CTNNA3: variants seen among roughly 807,000 people sequenced by gnomAD.
CTNNA3 encodes catenin alpha-3.
A neutral mutation model predicts 95.7 loss-of-function variants in CTNNA3; 76 were observed. That is an observed-to-expected ratio of 0.79 (90% CI 0.66 to 0.96). The LOEUF is 0.96. CTNNA3 is among the 40% of genes least tolerant of loss of function. CTNNA3 has a pLI of 0.00. For missense variants in CTNNA3, 1,191 were observed against 1,089.8 expected, an observed-to-expected ratio of 1.09 and a Z score of -1.31; for synonymous variants, 431 against 374.4, an observed-to-expected ratio of 1.15 and a Z score of -1.74.
At chr10:66,707,727 G>T (rs2132593720) in intron 9 of CTNNA3, among the ~76,000 whole-genome samples, 1 of 152,184 alleles carries the variant, frequency 6.6e-6, no homozygotes, top group South Asian at 2.1e-4. Flanking sequence ...CAAGGTGGTA[G>T]AAAAGCAAGC....
chr10:66,935,543 A>G (rs1047029606), intron 7 of CTNNA3, among the ~76,000 whole-genome samples: 7 of 152,042 alleles, frequency 4.6e-5, no homozygotes, highest in Non-Finnish European at 1.0e-4. Flanking sequence ...TTAAAATGGA[A>G]TATTTAAAGA....
chr10:66,914,201 G>T (rs550860525), intron 7 of CTNNA3, among the ~76,000 whole-genome samples: 148 of 147,714 alleles, frequency 1.0e-3, no homozygotes, highest in Non-Finnish European at 1.7e-3. Context: ...CACGATCTCG[G>T]CTCACTGCAA....
intron 7 of CTNNA3, among the ~76,000 whole-genome samples, chr10:66,939,399 T>A (rs547655789): frequency 6.6e-6 from 1 of 152,292 alleles, no homozygotes; most frequent in East Asian, 1.9e-4. Flanking sequence ...GCCTTCAAAC[T>A]GAGTTAAAAG....
At chr10:66,361,557 A>G (rs1235083036) in intron 12 of CTNNA3, among the ~76,000 whole-genome samples, 2 of 140,604 alleles carry the variant, frequency 1.4e-5, no homozygotes, top group African/African-American at 5.4e-5. Flanking sequence ...TCTTTTTTAG[A>G]GATAGGGTCT....
rs982270503 is a variant in CTNNA3 at position 67,609,009 on chromosome 10, G to T, written c.100-1960C>A. On this transcript the variant is annotated intron_variant, in intron 2 of 17. Coordinates refer to ENST00000433211, the MANE Select transcript of CTNNA3 (RefSeq NM_013266.4). ...GGAGGCTGAGGCAGGAGAATCGCTTGAACCCGGCAGGCAGAGGTTGCGGTG... is the reference window on the plus strand; with the variant it reads ...GGAGGCTGAGGCAGGAGAATCGCTTTAACCCGGCAGGCAGAGGTTGCGGTG... Among the ~76,000 whole-genome samples, 4 of 143,924 alleles carry T rather than the reference G, an allele frequency of 2.8e-5. No individual in the cohort carries two copies. The East Asian group carries it at 9.0e-4, about 32-fold the overall frequency. 94.4% of individuals were successfully genotyped at this position (143,924 alleles called of 152,430 possible).
intron 5 of CTNNA3, among the ~76,000 whole-genome samples, chr10:67,362,162 T>G (rs1027732578): frequency 6.6e-6 from 1 of 152,038 alleles, no homozygotes; most frequent in Non-Finnish European, 1.5e-5. Context: ...CTGAACCAGA[T>G]GGATTTACAG....
At position 66,908,513 on chromosome 10, in the gene CTNNA3, G is replaced by A. The variant is rs148096516; in HGVS notation, c.1048-132989C>T. Among the ~76,000 whole-genome samples, 552 of 152,046 alleles carry A rather than the reference G, an allele frequency of 3.6e-3. 2 individuals carry two copies. Among genetic ancestry groups the A allele is most frequent in the African/African-American group, 0.012 (516 of 41,528 alleles). On this transcript the variant is annotated intron_variant, in intron 7 of 17. Coordinates refer to ENST00000433211, the MANE Select transcript of CTNNA3 (RefSeq NM_013266.4). ...AGACACTATGAAGTGGTTTTTCATC[G>A]TCCAATATGTTATGGATGTTCTCTA...
At chr10:67,760,590 G>A (rs757579423) in intron 1 of CTNNA3, among the ~76,000 whole-genome samples, 7 of 152,076 alleles carry the variant, frequency 4.6e-5, no homozygotes, top group Non-Finnish European at 7.4e-5. Context: ...AACTGGTACC[G>A]GTCCGTGGCC....
chr10:66,571,386 T>C (rs1460276263), intron 10 of CTNNA3, among the ~76,000 whole-genome samples: 1 of 152,200 alleles, frequency 6.6e-6, no homozygotes, highest in Admixed American at 6.5e-5. Flanking sequence ...TACTTTCATA[T>C]AAATTGTTTC....
At position 67,550,776 on chromosome 10, in the gene CTNNA3, A is replaced by G. The variant is rs951676843; in HGVS notation, c.293-11107T>C. On this transcript the variant is annotated intron_variant, in intron 3 of 17. Transcript: ENST00000433211. ...TCTCAGAGAAACATACTAAATAAAC[A>G]TGGAGTTTTTAAAAGGCAAAAGTAT... is the stretch of plus-strand genomic sequence containing the variant. Among the ~76,000 whole-genome samples, 61 of 152,020 alleles carry G rather than the reference A, an allele frequency of 4.0e-4. 1 individual carries two copies. Among genetic ancestry groups the G allele is most frequent in the African/African-American group, 1.4e-3 (56 of 41,420 alleles).
chr10:67,693,463 T>C (rs1471640812), intron 1 of CTNNA3, among the ~76,000 whole-genome samples: 2 of 152,222 alleles, frequency 1.3e-5, no homozygotes, highest in African/African-American at 4.8e-5. Context: ...TCAGGCCAGT[T>C]TGGGTTGCCA....
intron 1 of CTNNA3, among the ~76,000 whole-genome samples, chr10:67,726,120 T>A (rs1161296705): frequency 4.4e-5 from 5 of 114,824 alleles, no homozygotes; most frequent in Admixed American, 1.2e-4. Flanking sequence ...TATATATTAT[T>A]ATATTAGATA....
At chr10:66,234,587 A>G (rs1310490646) in intron 13 of CTNNA3, among the ~76,000 whole-genome samples, 1 of 152,204 alleles carries the variant, frequency 6.6e-6, no homozygotes, top group Non-Finnish European at 1.5e-5. Context: ...TGTTACAAGT[A>G]TTTGATTGAG....
chr10:67,426,968 G>A (rs536336415), intron 5 of CTNNA3, among the ~76,000 whole-genome samples: 1 of 152,132 alleles, frequency 6.6e-6, no homozygotes, highest in African/African-American at 2.4e-5. Context: ...GTCATCAAGA[G>A]ACAGTTAACT....
chr10:66,707,134 T>A (rs1848143905), intron 9 of CTNNA3, among the ~76,000 whole-genome samples: 1 of 152,040 alleles, frequency 6.6e-6, no homozygotes, highest in Non-Finnish European at 1.5e-5. Flanking sequence ...CCTTTAAAAA[T>A]TCCTTCTTTA....
chr10:66,052,817 AAAAT>A lies in CTNNA3; in HGVS notation c.2159+16487_2159+16490del, dbSNP rs1320925904. On this transcript the variant is annotated intron_variant, in intron 15 of 17. Transcript: ENST00000433211. ...GGGCAAAGCATTCTTTCTGAATAAG[AAAAT>A]AAATAAAGAATTAAGTATCTAAATA... 6.6e-5 allele frequency among the ~76,000 whole-genome samples: 10 copies of A among 152,268 alleles called. No homozygotes were observed. In the South Asian group the frequency reaches 1.9e-3, roughly 28 times the overall value.
chr10:66,663,162 G>T (rs746688840), intron 9 of CTNNA3, among the ~76,000 whole-genome samples: 113 of 152,128 alleles, frequency 7.4e-4, no homozygotes, highest in Admixed American at 4.6e-3. Context: ...ACAACAGCCA[G>T]AATGATCTGT....
In CTNNA3 at chr10:67,420,478, G is replaced by A. The variant is rs557572984; in HGVS notation, c.579+101364C>T. 1.1e-4 allele frequency among the ~76,000 whole-genome samples: 17 copies of A among 152,220 alleles called. No homozygotes were observed. The South Asian group carries it at 1.7e-3, about 15-fold the overall frequency. The stretch of plus-strand genomic sequence containing the variant: ...TGCCTTTTCCAGCTGCATGACATTG[G>A]AGAGTACTTTAACCTCTCTGAACCA... On this transcript the variant is annotated intron_variant, in intron 5 of 17. Transcript: ENST00000433211.
intron 7 of CTNNA3, among the ~76,000 whole-genome samples, chr10:66,946,070 T>A (rs1013638589): frequency 6.6e-6 from 1 of 152,152 alleles, no homozygotes; most frequent in African/African-American, 2.4e-5. Context: ...AATGAGCACA[T>A]GCTGTTGAAA....
Sources: allele counts gnomAD v4.1 joint callset (sites outside exome capture counted in the v4.1 genomes callset), GRCh38; gene constraint gnomAD v4.1.1; transcripts MANE v1.5; gene names NCBI Gene and HGNC (gene_info 2026-07-23, HGNC 2026-07-21).